Variants in CCDC150 observed in about 807,000 individuals in gnomAD.
CCDC150 encodes the protein coiled-coil domain containing 150.
A neutral mutation model predicts 156.5 loss-of-function variants in CCDC150; 151 were observed. The ratio of observed to expected loss-of-function variants is 0.97; its 90% CI spans 0.85 to 1.10. CCDC150 has a LOEUF of 1.10. Among genes scored for constraint, CCDC150 ranks in the 50% least tolerant of loss-of-function variants. The pLI is 0.00. For missense variants in CCDC150, 1,312 were observed against 1,268.1 expected (o/e 1.03, Z -0.53); for synonymous variants, 452 against 429.4 (o/e 1.05, Z -0.65).
At chr2:196,641,345 A>G (rs1439779857) in intron 1 of CCDC150, among the ~76,000 whole-genome samples, 2 of 151,902 alleles carry the variant, frequency 1.3e-5, no homozygotes, top group Non-Finnish European at 2.9e-5. Flanking sequence ...CTTCCTCTCC[A>G]GCCAAACCCA....
intron 13 of CCDC150, among the ~76,000 whole-genome samples, chr2:196,685,485 C>T (rs922650745): frequency 6.6e-6 from 1 of 152,132 alleles, no homozygotes; most frequent in Non-Finnish European, 1.5e-5. Context: ...TGTGTTTAAA[C>T]TAGAAGAAAA....
chr2:196,711,768 A>G (rs941962433), intron 15 of CCDC150, among the ~76,000 whole-genome samples: 4 of 152,032 alleles, frequency 2.6e-5, no homozygotes, highest in African/African-American at 9.7e-5. Context: ...GACAGTTCTA[A>G]TTATACACAT....
At chr2:196,644,193 G>T (rs1692400653) in intron 1 of CCDC150, among the ~76,000 whole-genome samples, 1 of 152,136 alleles carries the variant, frequency 6.6e-6, no homozygotes, top group South Asian at 2.1e-4. Flanking sequence ...ACATGAGTGT[G>T]CCTGCTGAGG....
In CCDC150 at chr2:196,729,260, G is replaced by T; in HGVS notation, c.2624G>T (p.Arg875Leu). 6.2e-7 allele frequency: 1 copy of T among 1,613,632 alleles called. No individual in the cohort carries two copies. Among genetic ancestry groups the T allele is most frequent in the Non-Finnish European group, 8.5e-7 (1 of 1,179,834 alleles). The change falls in exon 23 of 28, where the codon CGA becomes CTA. Residue 875 changes from arginine to leucine, a missense_variant. By Grantham distance (102) the Arg-to-Leu change is moderately radical. Coordinates refer to ENST00000389175, the MANE Select transcript of CCDC150 (RefSeq NM_001080539.2). ...VEVSRTNREL[R>L]QKLAELEKIL... ...GTGTCCCGGACCAACCGAGAGCTGC[G>T]ACAGAAACTTGCAGAGCTAGAAAAA...
At chr2:196,656,882 G>A (rs774151984) in intron 3 of CCDC150, 29 bp downstream of exon 3, 6 of 1,611,384 alleles carry the variant, frequency 3.7e-6, no homozygotes, top group Middle Eastern at 1.7e-4. Flanking sequence ...TCAGAAATGT[G>A]GTCCTGTATA....
chr2:196,707,105 C>T (rs1261123988), intron 15 of CCDC150, among the ~76,000 whole-genome samples: 2 of 152,134 alleles, frequency 1.3e-5, no homozygotes, highest in Non-Finnish European at 2.9e-5. Context: ...CCTCTTTGTA[C>T]CTCTAGTAGA....
rs200886098 is a variant in CCDC150 at position 196,712,015 on chromosome 2, A to ATT, written c.1696-112_1696-111dup. Reference sequence around the variant, plus strand: ...TTGCAAGTTTTAAAGATTCTCTGTAATTTTTTTTTTTTTTTTTTTACAACT... The same window carrying ATT: ...TTGCAAGTTTTAAAGATTCTCTGTAATTTTTTTTTTTTTTTTTTTTTACAACT... On this transcript the variant is annotated intron_variant, in intron 15 of 27. Transcript: ENST00000389175. 2.9e-3 allele frequency: 766 copies of ATT among 268,658 alleles called. 3 individuals carry two copies. Among genetic ancestry groups the ATT allele is most frequent in the African/African-American group, 0.012 (467 of 39,810 alleles). The allele number at this position is 268,658 out of a possible 1,614,324, so 16.6% of individuals were successfully genotyped here. A position where few individuals can be genotyped will look rare whatever the true frequency, so the allele number is the denominator to read the frequency against.
chr2:196,712,679 A>C lies in CCDC150; in HGVS notation c.1806A>C (p.Ala602=). Residue 602 remains alanine, a splice_region_variant and synonymous_variant, in exon 17 of 28, where the codon GCA becomes GCC. Coordinates refer to ENST00000389175, the MANE Select transcript of CCDC150 (RefSeq NM_001080539.2). ...TATCTTTGTTTTTTGAATTAAAGGCAAACTCAGAACTCAGTGCCAAGAGGG... is the reference window on the plus strand; with the variant it reads ...TATCTTTGTTTTTTGAATTAAAGGCCAACTCAGAACTCAGTGCCAAGAGGG... ...NKYLQTKYAQ[A]NSELSAKRVH... 1 of 1,608,898 alleles carries C rather than the reference A, an allele frequency of 6.2e-7. No individual in the cohort carries two copies. Among genetic ancestry groups the C allele is most frequent in the Non-Finnish European group, 8.5e-7 (1 of 1,177,424 alleles).
At position 196,720,805 on chromosome 2, in the gene CCDC150, T is replaced by C. The variant is rs375289341; in HGVS notation, c.2259+137T>C. On this transcript the variant is annotated intron_variant, in intron 20 of 27. Transcript: ENST00000389175. The stretch of plus-strand genomic sequence containing the variant: ...AGTCTGAGTTTTGGACAGTGACATA[T>C]CTACAAATGGGAAATTGACCTGTCT... The C allele has an allele frequency of 3.7e-5, 27 of 730,192 alleles. No individual in the cohort carries two copies. The African/African-American group carries it at 4.1e-4, about 11-fold the overall frequency. The allele number at this position is 730,192 out of a possible 1,614,324, so 45.2% of individuals were successfully genotyped here.
At chr2:196,677,032 A>C in intron 12 of CCDC150, 1 of 677,874 alleles carries the variant, frequency 1.5e-6, no homozygotes, top group South Asian at 1.5e-5. Flanking sequence ...GGGACAGCGA[A>C]GGTTAAGGGG....
chr2:196,723,493 C>G (rs1698041983), intron 21 of CCDC150, among the ~76,000 whole-genome samples: 1 of 152,138 alleles, frequency 6.6e-6, no homozygotes, highest in African/African-American at 2.4e-5. Context: ...CAGAGCAAGA[C>G]TCCATCTCAA....
At chr2:196,647,529 C>G (rs572052088) in intron 2 of CCDC150, among the ~76,000 whole-genome samples, 2 of 152,088 alleles carry the variant, frequency 1.3e-5, no homozygotes, top group Admixed American at 1.3e-4. Flanking sequence ...ACACATTGGC[C>G]TCATCTTTAC....
chr2:196,713,821 T>C lies in CCDC150; in HGVS notation c.1866+1082T>C, dbSNP rs115966114. 3,093 of 986,200 alleles carry C rather than the reference T, an allele frequency of 3.1e-3. 8 individuals carry two copies. The highest frequency in any genetic ancestry group is 3.9e-3 in the Non-Finnish European group (2,851 of 737,494). 61.1% of individuals were successfully genotyped at this position (986,200 alleles called of 1,614,324 possible). A position where few individuals can be genotyped will look rare whatever the true frequency, so the allele number is the denominator to read the frequency against. On this transcript the variant is annotated intron_variant, in intron 17 of 27. Coordinates refer to ENST00000389175, the MANE Select transcript of CCDC150 (RefSeq NM_001080539.2). ...TTCACAAATAGAAAAAAGACTAATA[T>C]AGATTGAAACCATTATCCTAGCCAT...
chr2:196,648,838 A>C (rs1692698081), intron 2 of CCDC150, among the ~76,000 whole-genome samples: 1 of 152,046 alleles, frequency 6.6e-6, no homozygotes. Context: ...ATAAGGGCCC[A>C]ATTTCATTCT....
At chr2:196,671,473 A>G (rs1474142387) in intron 8 of CCDC150, among the ~76,000 whole-genome samples, 2 of 125,924 alleles carry the variant, frequency 1.6e-5, no homozygotes, top group African/African-American at 6.1e-5. Flanking sequence ...TCTGTCACTC[A>G]GGCTGGAGTG....
At chr2:196,709,220 C>T (rs972463767) in intron 15 of CCDC150, among the ~76,000 whole-genome samples, 27 of 152,178 alleles carry the variant, frequency 1.8e-4, no homozygotes, top group African/African-American at 6.3e-4. Flanking sequence ...TCTTTTTTCT[C>T]TAAACTTCTC....
intron 2 of CCDC150, among the ~76,000 whole-genome samples, chr2:196,651,715 C>G (rs80312469): frequency 0.014 from 2,171 of 152,178 alleles, 22 homozygotes; most frequent in Admixed American, 0.028. Context: ...TTGTCTTTAA[C>G]TTTTGACAAT....
chr2:196,712,470 A>C (rs1386580874), intron 16 of CCDC150: 1 of 584,706 alleles, frequency 1.7e-6, no homozygotes, highest in Admixed American at 3.1e-5. Context: ...GAGACATTCA[A>C]CTTGCTTATT....
At chr2:196,651,684 C>G (rs1692882862) in intron 2 of CCDC150, among the ~76,000 whole-genome samples, 1 of 152,072 alleles carries the variant, frequency 6.6e-6, no homozygotes, top group South Asian at 2.1e-4. Flanking sequence ...GCTACTTTTC[C>G]CTTGATGCTT....
Sources: gnomAD v4.1 joint callset for allele counts (sites outside exome capture counted in the v4.1 genomes callset) on GRCh38, gnomAD v4.1.1 for gene constraint, MANE v1.5 for transcripts, NCBI Gene and HGNC (gene_info 2026-07-23, HGNC 2026-07-21) for gene names.